NEUROD6: variants seen among roughly 807,000 people sequenced by gnomAD.
NEUROD6 encodes neurogenic differentiation factor 6.
A neutral mutation model predicts 24.1 loss-of-function variants in NEUROD6; 5 were observed. The ratio of observed to expected loss-of-function variants is 0.21; its 90% confidence interval spans 0.11 to 0.44. NEUROD6 has a LOEUF of 0.44. NEUROD6 is among the 20% of genes least tolerant of loss of function. NEUROD6 has a pLI of 0.99. For synonymous variants in NEUROD6, 182 were observed against 154.1 expected (o/e 1.18, Z -1.34); for missense variants, 325 against 409.5 (o/e 0.79, Z 1.78).
At position 31,338,555 on chromosome 7, in the gene NEUROD6, A is replaced by G. The variant is rs754088385; in HGVS notation, c.714T>C (p.Ser238=). 3 of 1,614,150 alleles carry G rather than the reference A, an allele frequency of 1.9e-6. No individual in the cohort carries two copies. The highest frequency in any genetic ancestry group is 2.2e-5 in the South Asian group (2 of 91,074). Reference sequence around the variant, plus strand: ...TACTTTCATAGAAGGATTCATACGCACTGCAATAATTGTAGGGTTTCATGG... The same window carrying G: ...TACTTTCATAGAAGGATTCATACGCGCTGCAATAATTGTAGGGTTTCATGG... The part of the protein sequence containing the change: ...SKSMKPYNYC[S]AYESFYESTS... Residue 238 remains serine, a synonymous_variant, in exon 2 of 2, where the codon AGT becomes AGC. Coordinates refer to ENST00000297142, the MANE Select transcript of NEUROD6 (RefSeq NM_022728.4). The surrounding 1 kb of genome is among the most constrained non-coding windows in gnomAD (Gnocchi z 5.1).
Position 31,338,595 on chromosome 7 carries a change from A to G in NEUROD6, c.674T>C (p.Leu225Pro), listed in dbSNP as rs777808758. 1.9e-6 allele frequency: 3 copies of G among 1,614,066 alleles called. No individual in the cohort carries two copies. The East Asian group carries it at 6.7e-5, about 36-fold the overall frequency. The change falls in exon 2 of 2, where the codon CTT becomes CCT. Residue 225 changes from leucine to proline, a missense_variant. By Grantham distance (98) the Leu-to-Pro change is moderately conservative. Coordinates refer to ENST00000297142, the MANE Select transcript of NEUROD6 (RefSeq NM_022728.4). The surrounding 1 kb of genome is among the most constrained non-coding windows in gnomAD (Gnocchi z 5.1). The stretch of plus-strand genomic sequence containing the variant: ...GGGTTTCATGGACTTGGAATTATCA[A>G]GAGTCCCATGCCCTGGGGGAGTGGT... ...ELTTPPGHGT[L>P]DNSKSMKPYN...
At chr7:31,340,245 G>C (rs893397859) in intron 1 of NEUROD6, among the ~76,000 whole-genome samples, 2 of 152,274 alleles carry the variant, frequency 1.3e-5, no homozygotes, top group Admixed American at 6.5e-5. Context: ...AAAATAATTT[G>C]TGTTTCAAAT....
chr7:31,338,521 CAG>C lies in NEUROD6; in HGVS notation c.746_747del (p.Pro249ArgfsTer8). 6.2e-7 allele frequency: 1 copy of C among 1,614,104 alleles called. No individual in the cohort carries two copies. The highest frequency in any genetic ancestry group is 2.2e-5 in the East Asian group (1 of 44,876). ...CCTTCAAACTGAGGGCTGGCACACT[CAG>C]GGGAAGTACTTTCATAGAAGGATTC... ...AYESFYESTSPECASPQFEGP... is the reference protein window; with the variant it reads ...AYESFYESTSXECASPQFEGP... On this transcript the variant is annotated frameshift_variant, in exon 2 of 2. Coordinates refer to ENST00000297142, the MANE Select transcript of NEUROD6 (RefSeq NM_022728.4). LOFTEE classifies it high-confidence loss of function. The surrounding 1 kb of genome is among the most constrained non-coding windows in gnomAD (Gnocchi z 5.1).
rs1274305344 is a variant in NEUROD6 at position 31,338,694 on chromosome 7, T to G, written c.575A>C (p.Gln192Pro). ...TGTGTGGTGTGCAGCCTCCCCACCC[T>G]GACCCATCAGGAAACTCCTGGCGTT... is the stretch of plus-strand genomic sequence containing the variant. ...QLNARSFLMG[Q>P]GGEAAHHTRS... is the part of the protein sequence containing the mutation. Residue 192 changes from glutamine (Q) to proline (P), a missense_variant, in exon 2 of 2, where the codon CAG (glutamine) becomes CCG (proline). Around this residue, in one of 3 missense-constraint regions of NEUROD6, gnomAD observed 175 missense variants for 201.3 expected, o/e 0.87. Coordinates refer to ENST00000297142, the MANE Select transcript of NEUROD6 (RefSeq NM_022728.4). The surrounding 1 kb of genome is among the most constrained non-coding windows in gnomAD (Gnocchi z 5.1). The G allele has an allele frequency of 1.2e-6, 2 of 1,614,104 alleles. No individual in the cohort carries two copies. The highest frequency in any genetic ancestry group is 1.7e-6 in the Non-Finnish European group (2 of 1,180,004).
chr7:31,339,451 T>C (rs1783101808), intron 1 of NEUROD6, among the ~76,000 whole-genome samples, 162 bp from the exon 2 acceptor site: 1 of 152,354 alleles, frequency 6.6e-6, no homozygotes, highest in East Asian at 1.9e-4. Flanking sequence ...TTTGTGAAGA[T>C]AAGTAATTAT....
Position 31,338,268 on chromosome 7 carries a change from A to G in NEUROD6, c.1001T>C (p.Val334Ala), listed in dbSNP as rs1783088607. The G allele has an allele frequency of 4.3e-6, 7 of 1,612,076 alleles. No homozygotes were observed. The highest frequency in any genetic ancestry group is 5.9e-6 in the Non-Finnish European group (7 of 1,178,296). ...SLTMQDELNA[V>A]FHN is the part of the protein sequence containing the mutation. Reference sequence around the variant, plus strand: ...TCATTTTCCTCATTAATTATGAAAAACTGCATTTAATTCATCTTGCATTGT... The same window carrying G: ...TCATTTTCCTCATTAATTATGAAAAGCTGCATTTAATTCATCTTGCATTGT... Residue 334 changes from valine to alanine, a missense_variant, in exon 2 of 2, where the codon GTT (valine) becomes GCT (alanine). By Grantham distance (64) the Val-to-Ala change is moderately conservative. Coordinates refer to ENST00000297142, the MANE Select transcript of NEUROD6 (RefSeq NM_022728.4). The surrounding 1 kb of genome is among the most constrained non-coding windows in gnomAD (Gnocchi z 5.1).
chr7:31,339,643 A>G lies in NEUROD6; in HGVS notation c.-21-354T>C, dbSNP rs1228640332. ...AGCAAATGCAAAACATGAAATTGCA[A>G]TGCAGAATTTCATTAATTCCAATTC... On this transcript the variant is annotated intron_variant, in intron 1 of 1. Coordinates refer to ENST00000297142, the MANE Select transcript of NEUROD6 (RefSeq NM_022728.4). Among the ~76,000 whole-genome samples the G allele has an allele frequency of 2.0e-5, 3 of 152,370 alleles. 1 individual carries two copies. Among genetic ancestry groups the G allele is most frequent in the South Asian group, 4.1e-4 (2 of 4,832 alleles).
rs770221455 is a variant in NEUROD6, at chr7:31,338,028, G to T, written c.*227C>A. On this transcript the variant is annotated 3_prime_UTR_variant, in exon 2 of 2. Coordinates refer to ENST00000297142, the MANE Select transcript of NEUROD6 (RefSeq NM_022728.4). The surrounding 1 kb of genome is among the most constrained non-coding windows in gnomAD (Gnocchi z 5.1). ...AATTAAAAAGAAAAAAATCTTTCCA[G>T]TAGAAACAGAATCACAGTGCTTCAC... The T allele has an allele frequency of 4.6e-5, 23 of 499,420 alleles. No individual in the cohort carries two copies. Among genetic ancestry groups the T allele is most frequent in the Non-Finnish European group, 7.7e-5 (22 of 285,650 alleles). The allele number at this position is 499,420 out of a possible 1,614,324, so 30.9% of individuals were successfully genotyped here. A position where few individuals can be genotyped will look rare whatever the true frequency, so the allele number is the denominator to read the frequency against.
At position 31,338,997 on chromosome 7, in the gene NEUROD6, C is replaced by G. The variant is rs747337898; in HGVS notation, c.272G>C (p.Arg91Thr). ...CGCTTCCTGTCTCCTGAACTTGACC[C>G]TTTCCAATCGCAGCTTTGTTGTCTT... ...KKKTTKLRLERVKFRRQEANA... is the reference protein window; with the variant it reads ...KKKTTKLRLETVKFRRQEANA... Residue 91 changes from arginine (R) to threonine (T), a missense_variant, in exon 2 of 2, where the codon AGG becomes ACG. Around this residue, in one of 3 missense-constraint regions of NEUROD6, gnomAD observed 109 missense variants for 107.3 expected, o/e 1.02. Transcript: ENST00000297142. The surrounding 1 kb of genome is among the most constrained non-coding windows in gnomAD (Gnocchi z 5.1). 1 of 1,614,140 alleles carries G rather than the reference C, an allele frequency of 6.2e-7. No individual in the cohort carries two copies. The highest frequency in any genetic ancestry group is 1.1e-5 in the South Asian group (1 of 91,078).
At chr7:31,340,243 T>C (rs991499766) in intron 1 of NEUROD6, among the ~76,000 whole-genome samples, 5 of 152,206 alleles carry the variant, frequency 3.3e-5, no homozygotes, top group African/African-American at 7.2e-5. Context: ...GGAAAATAAT[T>C]TGTGTTTCAA....
In NEUROD6 at chr7:31,338,348, C is replaced by T. The variant is rs763324545; in HGVS notation, c.921G>A (p.Arg307=). 18 of 1,613,966 alleles carry T rather than the reference C, an allele frequency of 1.1e-5. No homozygotes were observed. Among genetic ancestry groups the T allele is most frequent in the Non-Finnish European group, 1.5e-5 (18 of 1,180,032 alleles). Residue 307 remains arginine, a synonymous_variant, in exon 2 of 2, where the codon AGG becomes AGA. Coordinates refer to ENST00000297142, the MANE Select transcript of NEUROD6 (RefSeq NM_022728.4). This position sits in a 1 kb window ranked among gnomAD's most constrained non-coding sequence, Gnocchi z 5.1. ...AAGGGAAGTGGCTGTCGGTGGGCAA[C>T]CTGAACATGGCACCCTGCCCAAGGG... ...RGPLGQGAMF[R]LPTDSHFPYD...
Position 31,338,419 on chromosome 7 carries a change from T to C in NEUROD6, c.850A>G (p.Asn284Asp), listed in dbSNP as rs1464527544. The C allele has an allele frequency of 1.2e-6, 2 of 1,614,100 alleles. No homozygotes were observed. Among genetic ancestry groups the C allele is most frequent in the Admixed American group, 3.3e-5 (2 of 60,012 alleles). Residue 284 changes from asparagine (N) to aspartate (D), a missense_variant, in exon 2 of 2, where the codon AAT (asparagine) becomes GAT (aspartate). By Grantham distance (23) the Asn-to-Asp change is conservative (BLOSUM62 1). Around this residue, in one of 3 missense-constraint regions of NEUROD6, gnomAD observed 175 missense variants for 201.3 expected, o/e 0.87. Coordinates refer to ENST00000297142, the MANE Select transcript of NEUROD6 (RefSeq NM_022728.4). The surrounding 1 kb of genome is among the most constrained non-coding windows in gnomAD (Gnocchi z 5.1). ...KQEETLDYGK[N>D]YNYGMHYCAV... ...CAGTAATGCATGCCGTAATTGTAAT[T>C]TTTACCATAGTCCAAGGTTTCTTCT...
chr7:31,339,045 C>T lies in NEUROD6; in HGVS notation c.224G>A (p.Arg75Lys), dbSNP rs373635172. 3.1e-6 allele frequency: 5 copies of T among 1,613,922 alleles called. No individual in the cohort carries two copies. In the African/African-American group the frequency reaches 5.3e-5, roughly 17 times the overall value. ...CTTTTTTTTCCTAAGACCCCTCCTT[C>T]TAGGCAACCCATTTTCATCTTCCTC... is the stretch of plus-strand genomic sequence containing the variant. Reference protein sequence around the residue: ...REEEDENGLPRRRGLRKKKTT... With the variant: ...REEEDENGLPKRRGLRKKKTT... The change falls in exon 2 of 2, where the codon AGA becomes AAA. Residue 75 changes from arginine (R) to lysine (K), a missense_variant. By Grantham distance (26) the Arg-to-Lys change is conservative. This residue lies in a region of NEUROD6 where 109 missense variants were observed against 107.3 expected (regional missense o/e 1.02). Transcript: ENST00000297142.
At position 31,338,514 on chromosome 7, in the gene NEUROD6, G is replaced by A. The variant is rs1783091714; in HGVS notation, c.755C>T (p.Ala252Val). 1.2e-6 allele frequency: 2 copies of A among 1,613,872 alleles called. No homozygotes were observed. Among genetic ancestry groups the A allele is most frequent in the Non-Finnish European group, 1.7e-6 (2 of 1,179,904 alleles). ...TAAGGGACCTTCAAACTGAGGGCTG[G>A]CACACTCAGGGGAAGTACTTTCATA... ...SFYESTSPEC[A>V]SPQFEGPLSP... is the part of the protein sequence containing the mutation. The change falls in exon 2 of 2, where the codon GCC becomes GTC. Residue 252 changes from alanine (A) to valine (V), a missense_variant. Ala to Val is a moderately conservative substitution (Grantham distance 64, BLOSUM62 0). Transcript: ENST00000297142. The surrounding 1 kb of genome is among the most constrained non-coding windows in gnomAD (Gnocchi z 5.1).
At position 31,338,922 on chromosome 7, in the gene NEUROD6, T is replaced by C. The variant is rs1783096015; in HGVS notation, c.347A>G (p.Asn116Ser). The change falls in exon 2 of 2, where the codon AAC (asparagine) becomes AGC (serine). Residue 116 changes from asparagine to serine, a missense_variant. Coordinates refer to ENST00000297142, the MANE Select transcript of NEUROD6 (RefSeq NM_022728.4). This position sits in a 1 kb window ranked among gnomAD's most constrained non-coding sequence, Gnocchi z 5.1. ...ATAACAGGGGACCACTTTTCTTAAG[T>C]TGTCCAGAGCGTCGTTGAGGCCGTG... is the stretch of plus-strand genomic sequence containing the variant. ...RMHGLNDALD[N>S]LRKVVPCYSK... The C allele has an allele frequency of 6.2e-7, 1 of 1,614,194 alleles. No individual in the cohort carries two copies. Among genetic ancestry groups the C allele is most frequent in the Non-Finnish European group, 8.5e-7 (1 of 1,180,046 alleles).
At position 31,339,309 on chromosome 7, in the gene NEUROD6, A is replaced by G; in HGVS notation, c.-21-20T>C. 1 of 1,538,514 alleles carries G rather than the reference A, an allele frequency of 6.5e-7. No individual in the cohort carries two copies. Reference sequence around the variant, plus strand: ...AATTACCTGAAAAAATGCCAGCACAATATTTAAAGAGTTTTCATTTTTAAA... The same window carrying G: ...AATTACCTGAAAAAATGCCAGCACAGTATTTAAAGAGTTTTCATTTTTAAA... On this transcript the variant is annotated intron_variant, in intron 1 of 1. Coordinates refer to ENST00000297142, the MANE Select transcript of NEUROD6 (RefSeq NM_022728.4).
Position 31,337,630 on chromosome 7 carries a change from T to G in NEUROD6, c.*625A>C, listed in dbSNP as rs567126447. Reference sequence around the variant, plus strand: ...AGATAATTGTCCCCGAATTATGACATCAGCTACCCAAATATCATGTTGCCC... The same window carrying G: ...AGATAATTGTCCCCGAATTATGACAGCAGCTACCCAAATATCATGTTGCCC... On this transcript the variant is annotated 3_prime_UTR_variant, in exon 2 of 2. Coordinates refer to ENST00000297142, the MANE Select transcript of NEUROD6 (RefSeq NM_022728.4). 6.5e-6 allele frequency: 1 copy of G among 152,784 alleles called. No homozygotes were observed. The highest frequency in any genetic ancestry group is 1.9e-4 in the East Asian group (1 of 5,190). The allele number at this position is 152,784 out of a possible 1,614,324, so 9.5% of individuals were successfully genotyped here. A position where few individuals can be genotyped will look rare whatever the true frequency, so the allele number is the denominator to read the frequency against.
chr7:31,339,180 T>A lies in NEUROD6; in HGVS notation c.89A>T (p.Gln30Leu). The change falls in exon 2 of 2, where the codon CAA becomes CTA. Residue 30 changes from glutamine to leucine, a missense_variant. Gln to Leu is a moderately radical substitution (Grantham distance 113). Coordinates refer to ENST00000297142, the MANE Select transcript of NEUROD6 (RefSeq NM_022728.4). ...GGAAAAGCTTTCTGGCTTCTTAATT[T>A]GCTTCTGGTCCTCGCATTCTCTAGA... ...KFSRECEDQK[Q>L]IKKPESFSKQ... 1.9e-6 allele frequency: 3 copies of A among 1,614,112 alleles called. No individual in the cohort carries two copies. The highest frequency in any genetic ancestry group is 2.5e-6 in the Non-Finnish European group (3 of 1,180,046).
Position 31,339,114 on chromosome 7 carries a change from G to C in NEUROD6, c.155C>G (p.Pro52Arg). ...TTCTTCTTTCTCGGTTTCTTCTCCA[G>C]GGGCCCTTTTGATGCTCTTTCCTCG... is the stretch of plus-strand genomic sequence containing the variant. Reference protein sequence around the residue: ...VLRGKSIKRAPGEETEKEEEE... With the variant: ...VLRGKSIKRARGEETEKEEEE... The change falls in exon 2 of 2, where the codon CCT becomes CGT. Residue 52 changes from proline (P) to arginine (R), a missense_variant. Pro to Arg is a moderately radical substitution (Grantham distance 103, BLOSUM62 -2). Coordinates refer to ENST00000297142, the MANE Select transcript of NEUROD6 (RefSeq NM_022728.4). 6.2e-7 allele frequency: 1 copy of C among 1,613,646 alleles called. No individual in the cohort carries two copies. The highest frequency in any genetic ancestry group is 8.5e-7 in the Non-Finnish European group (1 of 1,179,970).
Sources: allele counts gnomAD v4.1 joint callset (sites outside exome capture counted in the v4.1 genomes callset), GRCh38; gene constraint gnomAD v4.1.1; regional missense constraint gnomAD v4.1.1; non-coding constraint Gnocchi (gnomAD v3.1); transcripts MANE v1.5; gene names NCBI Gene and HGNC (gene_info 2026-07-23, HGNC 2026-07-21).